Variants in ARHGAP10 observed in about 807,000 individuals in gnomAD.
The protein encoded by ARHGAP10 is Rho GTPase activating protein 10, also known as rho GTPase-activating protein 10.
Under a neutral mutation model 108.6 loss-of-function variants are expected in ARHGAP10, and 87 were observed. That is an observed-to-expected ratio of 0.80 (90% CI 0.67 to 0.96). The LOEUF is 0.96. ARHGAP10 is among the 40% of genes least tolerant of loss of function. ARHGAP10 has a pLI of 0.00. For synonymous variants in ARHGAP10, 347 were observed against 341.1 expected (o/e 1.02, Z -0.19); for missense variants, 939 against 954.5 (o/e 0.98, Z 0.21).
At chr4:148,015,981 A>G (rs1240525816) in intron 18 of ARHGAP10, among the ~76,000 whole-genome samples, 1 of 152,176 alleles carries the variant, frequency 6.6e-6, no homozygotes, top group Non-Finnish European at 1.5e-5. Flanking sequence ...GGGGCTTGGT[A>G]TGACTGGGTG....
intron 20 of ARHGAP10, among the ~76,000 whole-genome samples, chr4:148,049,861 T>G (rs988871063): frequency 0.024 from 873 of 36,530 alleles, 5 homozygotes; most frequent in Middle Eastern, 0.074. Flanking sequence ...GGGCGGGGGG[T>G]GGTGGTGGCG....
At position 147,965,157 on chromosome 4, in the gene ARHGAP10, T is replaced by G. The variant is rs546910200; in HGVS notation, c.1556+28T>G. 7.8e-5 allele frequency: 122 copies of G among 1,563,254 alleles called. 2 individuals carry two copies. In the South Asian group the frequency reaches 1.3e-3, roughly 17 times the overall value. On this transcript the variant is annotated intron_variant, in intron 17 of 22. Coordinates refer to ENST00000336498, the MANE Select transcript of ARHGAP10 (RefSeq NM_024605.4). Reference sequence around the variant, plus strand: ...AAGCCTCTTTTTCTTCGTTTTAACTTTCTTCACTTTGCTCTAGGTGCTGGG... The same window carrying G: ...AAGCCTCTTTTTCTTCGTTTTAACTGTCTTCACTTTGCTCTAGGTGCTGGG...
At chr4:148,067,492 C>T (rs895207407) in intron 22 of ARHGAP10, among the ~76,000 whole-genome samples, 5 of 152,190 alleles carry the variant, frequency 3.3e-5, no homozygotes, top group Non-Finnish European at 2.9e-5. Context: ...TTCCAAGTGG[C>T]CACTCTAGAC....
At chr4:147,912,585 AT>A (rs1736799086) in intron 12 of ARHGAP10, among the ~76,000 whole-genome samples, 4 of 126,474 alleles carry the variant, frequency 3.2e-5, no homozygotes, top group South Asian at 2.4e-4. Context: ...ATATATATAT[AT>A]ATATATATAT....
rs1491305896 is a variant in ARHGAP10 at position 147,798,722 on chromosome 4, A to ACTCTCT, written c.155-24004_155-24003insTCTCTC. ...CATTACGTGAGGTCAGGAGTTTGAG[A>ACTCTCT]CACTCTCTCTCTCTCTCTCTCTCTC... is the stretch of plus-strand genomic sequence containing the variant. On this transcript the variant is annotated intron_variant, in intron 1 of 22. Coordinates refer to ENST00000336498, the MANE Select transcript of ARHGAP10 (RefSeq NM_024605.4). Among the ~76,000 whole-genome samples the ACTCTCT allele has an allele frequency of 3.8e-4, 41 of 107,426 alleles. 5 individuals are homozygous for ACTCTCT. Among genetic ancestry groups the ACTCTCT allele is most frequent in the African/African-American group, 1.7e-3 (31 of 18,770 alleles). The allele number at this position is 107,426 out of a possible 152,430, so 70.5% of individuals were successfully genotyped here.
At chr4:147,907,179 T>C (rs1424976648) in intron 11 of ARHGAP10, among the ~76,000 whole-genome samples, 5 of 152,210 alleles carry the variant, frequency 3.3e-5, no homozygotes, top group African/African-American at 1.2e-4. Context: ...TGCAGTATTA[T>C]GTAGCCTTAG....
intron 1 of ARHGAP10, among the ~76,000 whole-genome samples, chr4:147,795,405 C>T (rs1195966166): frequency 1.3e-5 from 2 of 152,188 alleles, no homozygotes; most frequent in Admixed American, 6.5e-5. Flanking sequence ...CTTGGTTCTG[C>T]TGCAGTCAAA....
chr4:147,811,676 A>G (rs1732027518), intron 1 of ARHGAP10, among the ~76,000 whole-genome samples: 1 of 151,852 alleles, frequency 6.6e-6, no homozygotes, highest in African/African-American at 2.4e-5. Flanking sequence ...TTTATGTGCA[A>G]CTGCATACTT....
intron 3 of ARHGAP10, among the ~76,000 whole-genome samples, chr4:147,842,322 A>C (rs781513539): frequency 6.6e-6 from 1 of 152,174 alleles, no homozygotes; most frequent in Non-Finnish European, 1.5e-5. Flanking sequence ...ATGAAGGAAA[A>C]ATATAATGAC....
chr4:147,856,162 A>G (rs534079749), intron 4 of ARHGAP10, among the ~76,000 whole-genome samples: 1 of 152,346 alleles, frequency 6.6e-6, no homozygotes, highest in South Asian at 2.1e-4. Flanking sequence ...TGACAGCTTT[A>G]GGGGAGACAC....
At chr4:147,924,298 G>A (rs1463944783) in intron 13 of ARHGAP10, among the ~76,000 whole-genome samples, 1 of 151,994 alleles carries the variant, frequency 6.6e-6, no homozygotes, top group Admixed American at 6.6e-5. Flanking sequence ...TTAGGGTTTG[G>A]TTTAGGACTG....
chr4:147,851,436 C>T (rs1479463838), intron 4 of ARHGAP10, among the ~76,000 whole-genome samples: 2 of 152,096 alleles, frequency 1.3e-5, no homozygotes, highest in Non-Finnish European at 2.9e-5. Flanking sequence ...TGGTCTTGAA[C>T]TCCTGGGCTC....
At chr4:147,843,846 G>T (rs1733518290) in intron 3 of ARHGAP10, among the ~76,000 whole-genome samples, 1 of 152,170 alleles carries the variant, frequency 6.6e-6, no homozygotes, top group Non-Finnish European at 1.5e-5. Context: ...CAACACCTTG[G>T]TAGCTTTCTC....
At chr4:147,737,288 T>C (rs976477812) in intron 1 of ARHGAP10, among the ~76,000 whole-genome samples, 13 of 151,962 alleles carry the variant, frequency 8.6e-5, no homozygotes, top group Non-Finnish European at 1.6e-4. Context: ...GTAGCTGGGA[T>C]TACGGGCACG....
chr4:148,001,339 A>G (rs2149645319), intron 18 of ARHGAP10, among the ~76,000 whole-genome samples: 1 of 152,322 alleles, frequency 6.6e-6, no homozygotes, highest in South Asian at 2.1e-4. Context: ...GTTTGAAGTC[A>G]GGTAGCGTGA....
At chr4:147,796,425 A>G (rs758441686) in intron 1 of ARHGAP10, among the ~76,000 whole-genome samples, 2 of 152,140 alleles carry the variant, frequency 1.3e-5, no homozygotes, top group Non-Finnish European at 2.9e-5. Context: ...CCCTCCTGGA[A>G]GAGACAACAA....
At chr4:147,867,137 A>G (rs1278052875) in intron 7 of ARHGAP10, among the ~76,000 whole-genome samples, 1 of 152,202 alleles carries the variant, frequency 6.6e-6, no homozygotes, top group Non-Finnish European at 1.5e-5. Context: ...TTGAATTTAT[A>G]ATGCACTACT....
intron 13 of ARHGAP10, among the ~76,000 whole-genome samples, chr4:147,933,800 T>C (rs573852256): frequency 1.3e-5 from 2 of 152,272 alleles, no homozygotes; most frequent in East Asian, 3.9e-4. Context: ...CTGGAGTTGA[T>C]ATGAGGCCCT....
chr4:147,817,479 A>C (rs1732299447), intron 1 of ARHGAP10, among the ~76,000 whole-genome samples: 1 of 152,250 alleles, frequency 6.6e-6, no homozygotes, highest in South Asian at 2.1e-4. Context: ...AAGGACAAGC[A>C]GTGGCAGTTC....
Sources: gnomAD v4.1 joint callset for allele counts (sites outside exome capture counted in the v4.1 genomes callset) on GRCh38, gnomAD v4.1.1 for gene constraint, MANE v1.5 for transcripts, NCBI Gene and HGNC (gene_info 2026-07-23, HGNC 2026-07-21) for gene names.